The following ZSWIM8 variants were observed in gnomAD, a reference collection of about 807,000 sequenced individuals.
ZSWIM8 encodes zinc finger SWIM domain-containing protein 8.
In ZSWIM8, 27 loss-of-function variants were observed where a neutral mutation model predicts 173.7. That is an observed-to-expected ratio of 0.16 (90% confidence interval 0.11 to 0.21). ZSWIM8 has a LOEUF of 0.21. Ranked by LOEUF, ZSWIM8 falls within the 10% of genes least tolerant of loss-of-function variation. ZSWIM8 has a pLI of 1.00. For synonymous variants in ZSWIM8, 958 were observed against 962.0 expected, an observed-to-expected ratio of 1.00 and a Z score of 0.08; for missense variants, 1,627 against 2,428.8, an observed-to-expected ratio of 0.67 and a Z score of 6.94.
chr10:73,795,713 TTTGGGAGGCAGAGGCGGGCAGATGGC>T (rs1565081077), intron 15 of ZSWIM8, 50 bp downstream of exon 15: 2 of 1,580,264 alleles, frequency 1.3e-6, no homozygotes, highest in African/African-American at 2.7e-5. Context: ...ATCCCAGCAG[TTTGGGAGGCAGAGGCGGGCAGATGGC>T]TTGAGCCCAG....
At position 73,785,846 on chromosome 10, in the gene ZSWIM8, G is replaced by A. The variant is rs554928595; in HGVS notation, c.-33G>A. The A allele has an allele frequency of 2.6e-5, 39 of 1,474,960 alleles. No homozygotes were observed. Among genetic ancestry groups the A allele is most frequent in the Non-Finnish European group, 3.3e-5 (37 of 1,109,876 alleles). 91.4% of individuals were successfully genotyped at this position (1,474,960 alleles called of 1,614,324 possible). A position where few individuals can be genotyped will look rare whatever the true frequency, so the allele number is the denominator to read the frequency against. ...CGGCGGCCCAGGCCCCGGATCCGCG[G>A]GGGGGGACCCGGCCCCGGGGGGTGC... On this transcript the variant is annotated 5_prime_UTR_variant, in exon 1 of 26. Coordinates refer to ENST00000604729, the MANE Select transcript of ZSWIM8 (RefSeq NM_001367799.1).
intron 1 of ZSWIM8, chr10:73,786,325 T>G (rs61864472): frequency 1.1e-5 from 5 of 458,128 alleles, no homozygotes; most frequent in South Asian, 4.5e-5. Context: ...TGTGTGTGTG[T>G]GGGTGTGTGT....
Position 73,797,767 on chromosome 10 carries a change from C to A in ZSWIM8, c.3663-14C>A. The A allele has an allele frequency of 6.2e-7, 1 of 1,609,290 alleles. No homozygotes were observed. ...GAAACCCCAACCCCCGTCCCTACCC[C>A]ATTGCCCCTTCAGGTACAAGGGCCG... On this transcript the variant is annotated splice_polypyrimidine_tract_variant and intron_variant, in intron 18 of 25. Transcript: ENST00000604729. This position sits in a 1 kb window ranked among gnomAD's most constrained non-coding sequence, Gnocchi z 5.6.
Position 73,789,947 on chromosome 10 carries a change from C to T in ZSWIM8, c.739-9C>T. 1 of 1,611,936 alleles carries T rather than the reference C, an allele frequency of 6.2e-7. No individual in the cohort carries two copies. Among genetic ancestry groups the T allele is most frequent in the Non-Finnish European group, 8.5e-7 (1 of 1,178,992 alleles). ...GTGTTCTGCCTGCCTCCGTCTCTTT[C>T]TCCCTCAGATCCTCCCCACAGCTCA... On this transcript the variant is annotated splice_polypyrimidine_tract_variant and intron_variant, in intron 5 of 25. Transcript: ENST00000604729. This position sits in a 1 kb window ranked among gnomAD's most constrained non-coding sequence, Gnocchi z 6.8.
In ZSWIM8 at chr10:73,800,199, A is replaced by G; in HGVS notation, c.4825+29A>G. The G allele has an allele frequency of 1.2e-6, 2 of 1,613,198 alleles. No homozygotes were observed. The highest frequency in any genetic ancestry group is 1.7e-6 in the Non-Finnish European group (2 of 1,179,558). On this transcript the variant is annotated intron_variant, in intron 22 of 25. Transcript: ENST00000604729. This position sits in a 1 kb window ranked among gnomAD's most constrained non-coding sequence, Gnocchi z 4.1. The stretch of plus-strand genomic sequence containing the variant: ...AGTTGTGGGGCCAGGGAACAGGTGA[A>G]TGGAGGGGAGGCACACTGGGCAGGG...
In ZSWIM8 at chr10:73,797,147, A is replaced by C. The variant is rs912120241; in HGVS notation, c.3309A>C (p.Pro1103=). Residue 1103 remains proline (P), a synonymous_variant, in exon 17 of 26, where the codon CCA becomes CCC. Coordinates refer to ENST00000604729, the MANE Select transcript of ZSWIM8 (RefSeq NM_001367799.1). The surrounding 1 kb of genome is among the most constrained non-coding windows in gnomAD (Gnocchi z 5.6). The part of the protein sequence containing the change: ...SSPHSPCEGL[P]SEAALTPRPE... ...CACATTCCCCCTGTGAGGGTCTTCC[A>C]TCTGAGGCAGCTTTGACCCCAAGGC... 30 of 1,613,600 alleles carry C rather than the reference A, an allele frequency of 1.9e-5. No individual in the cohort carries two copies. Among genetic ancestry groups the C allele is most frequent in the Non-Finnish European group, 2.4e-5 (28 of 1,179,780 alleles).
rs1423437733 is a variant in ZSWIM8, at chr10:73,795,468, C to G, written c.2909-71C>G. On this transcript the variant is annotated intron_variant, in intron 14 of 25. Transcript: ENST00000604729. ...TTCATATGCTGATGGCTTGGGAACC[C>G]TGGCCTCTTACCTTTGCTGTCTTGG... The G allele has an allele frequency of 8.8e-6, 14 of 1,592,270 alleles. No individual in the cohort carries two copies. In the Admixed American group the frequency reaches 2.4e-4, roughly 27 times the overall value.
intron 15 of ZSWIM8, 75 bp from the exon 16 acceptor site, chr10:73,796,699 G>C: frequency 6.4e-7 from 1 of 1,569,192 alleles, no homozygotes; most frequent in Non-Finnish European, 8.6e-7. Context: ...CAAGGAGAAA[G>C]GAAGGTAATA....
Position 73,800,546 on chromosome 10 carries a change from T to C in ZSWIM8, c.5002+74T>C. ...CTCTTCAGAGGACCCTTCCTCTAGC[T>C]CTTCATTTGTTTACTGTGGGGTCAG... On this transcript the variant is annotated intron_variant, in intron 23 of 25. Coordinates refer to ENST00000604729, the MANE Select transcript of ZSWIM8 (RefSeq NM_001367799.1). This position sits in a 1 kb window ranked among gnomAD's most constrained non-coding sequence, Gnocchi z 4.1. 2 of 1,602,856 alleles carry C rather than the reference T, an allele frequency of 1.2e-6. No individual in the cohort carries two copies. The highest frequency in any genetic ancestry group is 1.7e-6 in the Non-Finnish European group (2 of 1,173,408).
chr10:73,786,233 G>T, intron 1 of ZSWIM8, 147 bp downstream of exon 1: 3 of 921,758 alleles, frequency 3.3e-6, no homozygotes, highest in Non-Finnish European at 4.7e-6. Context: ...AGCTGTCCCC[G>T]ACTGGGAGCT....
chr10:73,797,892 G>A lies in ZSWIM8; in HGVS notation c.3774G>A (p.Gly1258=), dbSNP rs202200703. 10 of 1,613,832 alleles carry A rather than the reference G, an allele frequency of 6.2e-6. No homozygotes were observed. Among genetic ancestry groups the A allele is most frequent in the Non-Finnish European group, 7.6e-6 (9 of 1,179,896 alleles). ...CGAAGACAGTGCTGATCAAGGCAGG[G>A]GGCAACAGCAGCACTTCCATTTTCA... ...ELAKTVLIKA[G]GNSSTSIFTH... Residue 1258 remains glycine, a synonymous_variant, in exon 19 of 26, where the codon GGG becomes GGA. Coordinates refer to ENST00000604729, the MANE Select transcript of ZSWIM8 (RefSeq NM_001367799.1). This position sits in a 1 kb window ranked among gnomAD's most constrained non-coding sequence, Gnocchi z 5.6.
chr10:73,799,608 G>A (rs1163755362), intron 21 of ZSWIM8, 118 bp downstream of exon 21: 1 of 1,372,682 alleles, frequency 7.3e-7, no homozygotes, highest in Non-Finnish European at 1.0e-6. Context: ...GTGAGGTGGT[G>A]GGAGTCTGGG....
Position 73,792,247 on chromosome 10 carries a change from G to A in ZSWIM8, c.1708G>A (p.Gly570Arg), listed in dbSNP as rs764642826. The stretch of plus-strand genomic sequence containing the variant: ...GGGTCCCCGCCGCCTCTCAGCTGAA[G>A]GGGGAGATAAAGCTCTACATAAGAT... ...QRGPRRLSAE[G>R]GDKALHKMGP... The change falls in exon 10 of 26, where the codon GGG (glycine) becomes AGG (arginine). Residue 570 changes from glycine (G) to arginine (R), a missense_variant. Gly to Arg is a moderately radical substitution (Grantham distance 125). Coordinates refer to ENST00000604729, the MANE Select transcript of ZSWIM8 (RefSeq NM_001367799.1). The surrounding 1 kb of genome is among the most constrained non-coding windows in gnomAD (Gnocchi z 4.3). 1 of 1,573,956 alleles carries A rather than the reference G, an allele frequency of 6.4e-7. No homozygotes were observed. Among genetic ancestry groups the A allele is most frequent in the African/African-American group, 1.4e-5 (1 of 73,868 alleles).
At chr10:73,787,963 G>A (rs1256821566) in intron 1 of ZSWIM8, among the ~76,000 whole-genome samples, 1 of 152,172 alleles carries the variant, frequency 6.6e-6, no homozygotes, top group Non-Finnish European at 1.5e-5. Context: ...GCAATTTTGT[G>A]AGATGTAGTT....
chr10:73,786,248 C>T, intron 1 of ZSWIM8, 162 bp downstream of exon 1: 1 of 826,630 alleles, frequency 1.2e-6, no homozygotes. Flanking sequence ...GGAGCTGTCC[C>T]AAGCTTAGAA....
chr10:73,786,274 G>A, intron 1 of ZSWIM8, 188 bp downstream of exon 1: 1 of 618,612 alleles, frequency 1.6e-6, no homozygotes, highest in Non-Finnish European at 2.6e-6. Context: ...TTCAGAACTC[G>A]CTTTTCCGGC....
rs529423655 is a variant in ZSWIM8, at chr10:73,799,241, G to A, written c.4416G>A (p.Pro1472=). The A allele has an allele frequency of 1.2e-4, 188 of 1,603,076 alleles. 3 individuals carry two copies. The East Asian group carries it at 2.0e-3, about 17-fold the overall frequency. ...GTAGAGGGGGCCCAGGGACTGAGCCGGTTACAGTGGCAGCGGCAGCAGTGA... is the reference window on the plus strand; with the variant it reads ...GTAGAGGGGGCCCAGGGACTGAGCCAGTTACAGTGGCAGCGGCAGCAGTGA... ...PEGRGGPGTE[P]VTVAAAAVTA... is the part of the protein sequence containing the mutation. The change falls in exon 21 of 26, where the codon CCG becomes CCA. Residue 1472 remains proline (P), a synonymous_variant. Coordinates refer to ENST00000604729, the MANE Select transcript of ZSWIM8 (RefSeq NM_001367799.1).
chr10:73,796,770 C>T lies in ZSWIM8; in HGVS notation c.3034-4C>T, dbSNP rs1486044797. The T allele has an allele frequency of 6.2e-7, 1 of 1,612,504 alleles. No homozygotes were observed. Among genetic ancestry groups the T allele is most frequent in the Non-Finnish European group, 8.5e-7 (1 of 1,179,822 alleles). On this transcript the variant is annotated splice_polypyrimidine_tract_variant and splice_region_variant and intron_variant, in intron 15 of 25. Coordinates refer to ENST00000604729, the MANE Select transcript of ZSWIM8 (RefSeq NM_001367799.1). ...CTCTGGAGGTCACTGCTTCTGTCTT[C>T]CAGATCTTAGACAAACTCTTGGACC...
chr10:73,795,528 C>CT lies in ZSWIM8; in HGVS notation c.2909-8dup, dbSNP rs779226731. On this transcript the variant is annotated splice_polypyrimidine_tract_variant and intron_variant, in intron 14 of 25. Coordinates refer to ENST00000604729, the MANE Select transcript of ZSWIM8 (RefSeq NM_001367799.1). The stretch of plus-strand genomic sequence containing the variant: ...CTACTCTCAATCCCCATAAGGTCCT[C>CT]TTTCTCGCAGGCATGAAGACAACAG... 3 of 1,613,752 alleles carry CT rather than the reference C, an allele frequency of 1.9e-6. No homozygotes were observed. In the South Asian group the frequency reaches 3.3e-5, roughly 18 times the overall value.
Sources: allele counts gnomAD v4.1 joint callset (sites outside exome capture counted in the v4.1 genomes callset), GRCh38; gene constraint gnomAD v4.1.1; non-coding constraint Gnocchi (gnomAD v3.1); transcripts MANE v1.5; gene names NCBI Gene and HGNC (gene_info 2026-07-23, HGNC 2026-07-21).